NLRC5: variants seen among roughly 807,000 people sequenced by gnomAD.
NLRC5 encodes NLR family CARD domain containing 5.
A neutral mutation model predicts 206.9 loss-of-function variants in NLRC5; 114 were observed. The ratio of observed to expected loss-of-function variants is 0.55; its 90% CI spans 0.47 to 0.64. The LOEUF (loss-of-function observed/expected upper bound fraction) is 0.64. Among genes scored for constraint, NLRC5 ranks in the 30% least tolerant of loss-of-function variants. The pLI, the probability that NLRC5 is intolerant of heterozygous loss-of-function variation, is 0.00. For missense variants in NLRC5, 2,008 were observed against 2,305.5 expected (o/e 0.87, Z 2.64); for synonymous variants, 952 against 962.8 (o/e 0.99, Z 0.21).
At chr16:57,069,539 T>C (rs1425318717) in intron 36 of NLRC5, among the ~76,000 whole-genome samples, 1 of 152,230 alleles carries the variant, frequency 6.6e-6, no homozygotes, top group African/African-American at 2.4e-5. Flanking sequence ...ATGCAGAGTT[T>C]GTAATAAACA....
intron 1 of NLRC5, among the ~76,000 whole-genome samples, chr16:57,002,718 T>G (rs55921630): frequency 1.4e-5 from 2 of 144,240 alleles, no homozygotes; most frequent in African/African-American, 2.6e-5. Context: ...CTCAGTTCAC[T>G]GCAACCTCTG....
intron 24 of NLRC5, among the ~76,000 whole-genome samples, chr16:57,053,454 G>A (rs1448860058): frequency 6.6e-6 from 1 of 152,198 alleles, no homozygotes; most frequent in Admixed American, 6.5e-5. Context: ...TGGGTTGCAT[G>A]GGGCCTGGCA....
Position 57,047,529 on chromosome 16 carries a change from C to A in NLRC5, c.3339-16C>A. ...GCTTTCTCTGATTCCCTGCCCTGCC[C>A]ATTGCCCCTTTGCAGCCTCAGTGAG... On this transcript the variant is annotated splice_polypyrimidine_tract_variant and intron_variant, in intron 22 of 48. Coordinates refer to ENST00000688547, the MANE Select transcript of NLRC5 (RefSeq NM_001384950.1). 6.2e-7 allele frequency: 1 copy of A among 1,608,150 alleles called. No individual in the cohort carries two copies. The highest frequency in any genetic ancestry group is 2.2e-5 in the East Asian group (1 of 44,782).
intron 1 of NLRC5, among the ~76,000 whole-genome samples, chr16:56,996,256 C>G (rs2057597353): frequency 6.6e-6 from 1 of 152,176 alleles, no homozygotes; most frequent in South Asian, 2.1e-4. Context: ...TAGTTTCCTG[C>G]AGCCTCTATT....
At chr16:57,045,565 C>A in intron 21 of NLRC5, 73 bp downstream of exon 21, 1 of 1,463,940 alleles carries the variant, frequency 6.8e-7, no homozygotes, top group African/African-American at 1.4e-5. Context: ...TCCCCCCACC[C>A]CCAGACCCAT....
chr16:57,041,635 G>A (rs1397644817), intron 18 of NLRC5, 61 bp downstream of exon 18: 2 of 1,403,304 alleles, frequency 1.4e-6, no homozygotes, highest in Non-Finnish European at 1.0e-6. Context: ...GTTAGTGTTG[G>A]TGTTTGGGTT....
At chr16:57,059,773 A>G (rs1303336973) in intron 30 of NLRC5, among the ~76,000 whole-genome samples, 1 of 152,148 alleles carries the variant, frequency 6.6e-6, no homozygotes, top group Non-Finnish European at 1.5e-5. Flanking sequence ...ACTCAGCCCA[A>G]CATTCTCTTC....
intron 13 of NLRC5, among the ~76,000 whole-genome samples, chr16:57,035,194 A>G (rs1268767809): frequency 6.6e-6 from 1 of 152,004 alleles, no homozygotes; most frequent in Non-Finnish European, 1.5e-5. Context: ...GTCCCTCCAG[A>G]TGGACCTACT....
intron 10 of NLRC5, among the ~76,000 whole-genome samples, chr16:57,030,341 T>C (rs1447081804): frequency 8.1e-6 from 1 of 123,908 alleles, no homozygotes; most frequent in Non-Finnish European, 1.8e-5. Flanking sequence ...AAAAGATGGA[T>C]GGATGAATGG....
At chr16:57,042,105 G>T (rs1472279477) in intron 19 of NLRC5, 40 bp downstream of exon 19, 4 of 1,293,408 alleles carry the variant, frequency 3.1e-6, no homozygotes, top group African/African-American at 1.5e-5. Flanking sequence ...GGCTGGGGCA[G>T]GGGGGGAGCA....
chr16:57,008,799 C>A (rs2059185625), intron 1 of NLRC5, among the ~76,000 whole-genome samples: 1 of 151,866 alleles, frequency 6.6e-6, no homozygotes, highest in South Asian at 2.1e-4. Context: ...TAACAAACAG[C>A]CTCACTAAAT....
chr16:56,994,326 C>T (rs2057335398), intron 1 of NLRC5, among the ~76,000 whole-genome samples: 2 of 152,276 alleles, frequency 1.3e-5, no homozygotes, highest in South Asian at 4.1e-4. Flanking sequence ...CAGGAATGCC[C>T]TCTGCTCCGT....
intron 23 of NLRC5, among the ~76,000 whole-genome samples, chr16:57,050,864 T>G (rs772909786): frequency 1.3e-5 from 2 of 152,148 alleles, no homozygotes; most frequent in African/African-American, 4.8e-5. Flanking sequence ...TTCTTTTTTA[T>G]TTTTTTGAGA....
chr16:57,037,416 T>G, intron 15 of NLRC5, 132 bp downstream of exon 15: 1 of 779,334 alleles, frequency 1.3e-6, no homozygotes, highest in Non-Finnish European at 2.2e-6. Flanking sequence ...CAGACCCCGT[T>G]ACAGCCGGCA....
intron 39 of NLRC5, among the ~76,000 whole-genome samples, chr16:57,075,717 C>A (rs1409747857): frequency 6.6e-6 from 1 of 152,024 alleles, no homozygotes; most frequent in Admixed American, 6.6e-5. Context: ...AATCTTGTGA[C>A]TAAAAACAAA....
intron 32 of NLRC5, chr16:57,062,576 G>A (rs2066648502): frequency 6.3e-6 from 1 of 157,796 alleles, no homozygotes; most frequent in Non-Finnish European, 1.4e-5. Flanking sequence ...CATGGCACGT[G>A]TTCCTCTAAC....
intron 45 of NLRC5, 35 bp downstream of exon 45, chr16:57,079,327 T>A: frequency 6.2e-7 from 1 of 1,605,496 alleles, no homozygotes; most frequent in Non-Finnish European, 8.5e-7. Context: ...AGGGGACCAG[T>A]GGCAGGCTGA....
At chr16:57,037,407 A>C in intron 15 of NLRC5, 123 bp downstream of exon 15, 1 of 852,376 alleles carries the variant, frequency 1.2e-6, no homozygotes, top group Non-Finnish European at 1.9e-6. Flanking sequence ...TGTCCCACCC[A>C]GACCCCGTTA....
chr16:57,013,910 G>A (rs780108355), intron 1 of NLRC5: 14 of 521,722 alleles, frequency 2.7e-5, no homozygotes, highest in South Asian at 7.4e-5. Flanking sequence ...TACAAAATGC[G>A]GCTGGTTTTC....
Sources: allele counts gnomAD v4.1 joint callset (sites outside exome capture counted in the v4.1 genomes callset), GRCh38; gene constraint gnomAD v4.1.1; transcripts MANE v1.5; gene names NCBI Gene and HGNC (gene_info 2026-07-23, HGNC 2026-07-21).